DYSF: variants seen among roughly 807,000 people sequenced by gnomAD.
The protein encoded by DYSF is dystrophy-associated fer-1-like 1.
Under a neutral mutation model 274.9 loss-of-function variants are expected in DYSF, and 212 were observed. The observed-to-expected ratio is 0.77, with a 90% CI of 0.69 to 0.86. DYSF has a LOEUF of 0.86. DYSF is among the 40% of genes least tolerant of loss of function. The probability of loss-of-function intolerance (pLI) is 0.00; values close to 1 mark genes in which losing one functional copy is unlikely to be tolerated. For synonymous variants in DYSF, 1,091 were observed against 1,078.7 expected, an observed-to-expected ratio of 1.01 and a Z score of -0.22; for missense variants, 2,666 against 2,783.2, an observed-to-expected ratio of 0.96 and a Z score of 0.95.
intron 17 of DYSF, among the ~76,000 whole-genome samples, chr2:71,547,311 C>T (rs982518259): frequency 6.6e-6 from 1 of 152,224 alleles, no homozygotes; most frequent in Non-Finnish European, 1.5e-5. Flanking sequence ...GTGCCTCCTC[C>T]TGCACCTGGT....
At chr2:71,475,937 A>G (rs1400364107) in intron 1 of DYSF, among the ~76,000 whole-genome samples, 1 of 151,924 alleles carries the variant, frequency 6.6e-6, no homozygotes. Flanking sequence ...CACCTGGCTA[A>G]TTTTGTAAAT....
At position 71,468,219 on chromosome 2, in the gene DYSF, T is replaced by C. The variant is rs4852786; in HGVS notation, c.91+1286T>C. Among the ~76,000 whole-genome samples, 411 of 152,326 alleles carry C rather than the reference T, an allele frequency of 2.7e-3. 14 individuals are homozygous for C. Among genetic ancestry groups the C allele is most frequent in the Admixed American group, 0.025 (381 of 15,304 alleles). On this transcript the variant is annotated intron_variant, in intron 1 of 55. Coordinates refer to ENST00000410020, the MANE Select transcript of DYSF (RefSeq NM_001130987.2). ...CTATGCAGAAATTGCGGTGTCACCA[T>C]TGGCTGGAAAAGAAATTCCCTAAGG...
chr2:71,558,850 C>T (rs1183260405), intron 22 of DYSF, among the ~76,000 whole-genome samples: 2 of 152,242 alleles, frequency 1.3e-5, no homozygotes, highest in African/African-American at 4.8e-5. Flanking sequence ...AGGAGCAATT[C>T]GCTCAGCTCC....
chr2:71,635,273 A>AT (rs1020427904), intron 41 of DYSF, among the ~76,000 whole-genome samples: 28 of 152,206 alleles, frequency 1.8e-4, no homozygotes, highest in African/African-American at 4.6e-4. Flanking sequence ...TGGACAAAAC[A>AT]TTCTTTTAAA....
chr2:71,548,392 A>G (rs2090649561), intron 17 of DYSF, among the ~76,000 whole-genome samples: 2 of 152,204 alleles, frequency 1.3e-5, no homozygotes, highest in Non-Finnish European at 2.9e-5. Context: ...AAAGGTGAAC[A>G]AGGAAGGGAA....
intron 17 of DYSF, among the ~76,000 whole-genome samples, chr2:71,541,891 T>C (rs550581472): frequency 2.1e-4 from 32 of 152,352 alleles, no homozygotes; most frequent in Admixed American, 1.6e-3. Flanking sequence ...TTTTTTCTTA[T>C]AGTTTAGAAA....
intron 30 of DYSF, among the ~76,000 whole-genome samples, chr2:71,579,681 T>C (rs1185417831): frequency 6.6e-6 from 1 of 152,210 alleles, no homozygotes; most frequent in African/African-American, 2.4e-5. Flanking sequence ...ACTGAGGCTC[T>C]AGAGCTGCAC....
intron 30 of DYSF, among the ~76,000 whole-genome samples, chr2:71,575,570 GGC>G (rs1360102825): frequency 6.6e-6 from 1 of 152,126 alleles, no homozygotes; most frequent in Non-Finnish European, 1.5e-5. Context: ...GGTGTTCTGT[GGC>G]CCCCTCTGCT....
intron 52 of DYSF, among the ~76,000 whole-genome samples, chr2:71,677,399 T>C (rs1053015850): frequency 6.6e-6 from 1 of 152,184 alleles, no homozygotes; most frequent in Admixed American, 6.5e-5. Context: ...CAACCTATGC[T>C]CCAATCCCAT....
At chr2:71,491,224 A>G (rs1053439406) in intron 3 of DYSF, among the ~76,000 whole-genome samples, 3 of 152,182 alleles carry the variant, frequency 2.0e-5, no homozygotes, top group Non-Finnish European at 4.4e-5. Context: ...CAATCATTGT[A>G]TTTTGGGTTG....
At chr2:71,641,292 C>T (rs984485571) in intron 41 of DYSF, among the ~76,000 whole-genome samples, 3 of 150,132 alleles carry the variant, frequency 2.0e-5, no homozygotes, top group African/African-American at 7.4e-5. Context: ...CATTCTCCTG[C>T]CTCAGCCTCC....
At chr2:71,491,902 G>A (rs2083887402) in intron 3 of DYSF, among the ~76,000 whole-genome samples, 1 of 152,186 alleles carries the variant, frequency 6.6e-6, no homozygotes, top group Non-Finnish European at 1.5e-5. Flanking sequence ...TATAAAGGCA[G>A]AGTGGCGGTT....
chr2:71,512,658 C>T (rs760642860), intron 5 of DYSF, among the ~76,000 whole-genome samples: 4 of 152,188 alleles, frequency 2.6e-5, no homozygotes, highest in East Asian at 1.9e-4. Flanking sequence ...GCTACATAGA[C>T]GGGCTAGTGG....
intron 1 of DYSF, among the ~76,000 whole-genome samples, chr2:71,455,413 G>C (rs866903801): frequency 1.3e-5 from 2 of 152,190 alleles, no homozygotes. Flanking sequence ...TGGCACTCCA[G>C]CTGTGCTTTT....
At chr2:71,613,094 G>T (rs371277561) in intron 39 of DYSF, among the ~76,000 whole-genome samples, 38 of 152,246 alleles carry the variant, frequency 2.5e-4, no homozygotes, top group African/African-American at 9.1e-4. Context: ...GATGCGGGGA[G>T]GGAGGAAAGA....
At chr2:71,603,303 A>G (rs1315720938) in intron 36 of DYSF, among the ~76,000 whole-genome samples, 2 of 152,168 alleles carry the variant, frequency 1.3e-5, no homozygotes, top group Non-Finnish European at 2.9e-5. Context: ...AGGGACGGGA[A>G]GAAGTTTAGA....
intron 47 of DYSF, among the ~76,000 whole-genome samples, chr2:71,666,977 G>C (rs568450970): frequency 6.6e-6 from 1 of 152,334 alleles, no homozygotes; most frequent in East Asian, 1.9e-4. Context: ...GTGAACGAGA[G>C]CATAATACTA....
At chr2:71,486,936 A>T (rs984038162) in intron 3 of DYSF, among the ~76,000 whole-genome samples, 1 of 152,136 alleles carries the variant, frequency 6.6e-6, no homozygotes, top group South Asian at 2.1e-4. Flanking sequence ...GACCCGTGGG[A>T]TGTTCAGCCC....
intron 12 of DYSF, among the ~76,000 whole-genome samples, chr2:71,522,246 A>G (rs1459291542): frequency 6.6e-6 from 1 of 151,590 alleles, no homozygotes; most frequent in Non-Finnish European, 1.5e-5. Flanking sequence ...GTCATCACCA[A>G]CTTTTGAAAG....
Sources: allele counts gnomAD v4.1 joint callset (sites outside exome capture counted in the v4.1 genomes callset), GRCh38; gene constraint gnomAD v4.1.1; transcripts MANE v1.5; gene names NCBI Gene and HGNC (gene_info 2026-07-23, HGNC 2026-07-21).